Variants in MGST1 observed in about 807,000 individuals in gnomAD.
MGST1 encodes glutathione S-transferase 12.
In MGST1, 5 loss-of-function variants were observed where a neutral mutation model predicts 8.9. The observed-to-expected ratio is 0.56, with a 90% CI of 0.29 to 1.19. The LOEUF (loss-of-function observed/expected upper bound fraction) is 1.19, where lower values mean the gene tolerates loss of function less well. MGST1 is among the 50% of genes most tolerant of loss of function. The pLI, the probability that MGST1 is intolerant of heterozygous loss-of-function variation, is 0.08. For missense variants in MGST1, 182 were observed against 187.4 expected (o/e 0.97, Z 0.17); for synonymous variants, 54 against 67.8 (o/e 0.80, Z 1.00).
rs572124727 is a variant in MGST1 at position 16,586,913 on chromosome 12, C to A, written n.483-2615C>A. 1.3e-5 allele frequency among the ~76,000 whole-genome samples: 2 copies of A among 152,132 alleles called. No homozygotes were observed. Among genetic ancestry groups the A allele is most frequent in the African/African-American group, 4.8e-5 (2 of 41,438 alleles). ...GTCTCATCTAAATTCATGGAATTCT[C>A]CCCTCTAATAATAGAGTCATGTGAT... On this transcript the variant is annotated intron_variant and non_coding_transcript_variant, in intron 4 of 4. Transcript: ENST00000538857. The surrounding 1 kb of genome is among the most constrained non-coding windows in gnomAD (Gnocchi z 4.3).
intron 1 of MGST1, among the ~76,000 whole-genome samples, chr12:16,394,789 G>A (rs1024432076): frequency 7.9e-5 from 12 of 151,930 alleles, no homozygotes; most frequent in African/African-American, 2.9e-4. Context: ...TAGAGACATA[G>A]TTTCACCATG....
downstream of MGST1, among the ~76,000 whole-genome samples, chr12:16,381,782 T>C (rs7306979): frequency 0.3 from 46,287 of 152,044 alleles, 7,090 homozygotes; most frequent in African/African-American, 0.33. Flanking sequence ...ACCAATCAGA[T>C]GTAGATTTGG....
intron 4 of MGST1, among the ~76,000 whole-genome samples, chr12:16,453,560 G>A (rs1334057887): frequency 6.6e-6 from 1 of 151,850 alleles, no homozygotes; most frequent in African/African-American, 2.4e-5. Context: ...GTTTCTTAGG[G>A]CTGCTGTAAC....
chr12:16,395,790 T>TACAC lies in MGST1; in HGVS notation n.778+12187_778+12188insCACA, dbSNP rs1223679635. ...TGAGTAGTATTCCATCATATATATA[T>TACAC]ATATATATATATATACACACACACA... On this transcript the variant is annotated intron_variant and non_coding_transcript_variant, in intron 1 of 1. Coordinates refer to the MGST1 transcript ENST00000359720. 5.3e-4 allele frequency among the ~76,000 whole-genome samples: 65 copies of TACAC among 123,660 alleles called. No individual in the cohort carries two copies. In the East Asian group the frequency reaches 9.6e-3, roughly 18 times the overall value. The allele number at this position is 123,660 out of a possible 152,430, so 81.1% of individuals were successfully genotyped here. A position where few individuals can be genotyped will look rare whatever the true frequency, so the allele number is the denominator to read the frequency against.
intron 1 of MGST1, chr12:16,400,890 A>G (rs534660839): frequency 4.2e-6 from 5 of 1,191,880 alleles, no homozygotes; most frequent in South Asian, 3.6e-5. Context: ...GGGTGTTTAT[A>G]GGACACATTA....
intron 4 of MGST1, among the ~76,000 whole-genome samples, chr12:16,588,621 A>G (rs1418553789): frequency 6.6e-6 from 1 of 152,130 alleles, no homozygotes; most frequent in Non-Finnish European, 1.5e-5. Flanking sequence ...TATATAAAGC[A>G]CACTACAATC....
At chr12:16,551,593 CT>C (rs1292960664) in intron 4 of MGST1, among the ~76,000 whole-genome samples, 376 of 135,658 alleles carry the variant, frequency 2.8e-3, no homozygotes, top group Middle Eastern at 3.9e-3. Flanking sequence ...AGATGACTTG[CT>C]TTTTTTTTTT....
At chr12:16,540,322 C>T (rs1486833483) in intron 4 of MGST1, among the ~76,000 whole-genome samples, 1 of 152,134 alleles carries the variant, frequency 6.6e-6, no homozygotes, top group Non-Finnish European at 1.5e-5. Flanking sequence ...ACCCAGGCTG[C>T]AGTGCAGAGC....
chr12:16,359,600 A>C (rs1476511861), intron 3 of MGST1, among the ~76,000 whole-genome samples: 1 of 152,218 alleles, frequency 6.6e-6, no homozygotes, highest in African/African-American at 2.4e-5. Context: ...ATTATGTGTT[A>C]GACGAAAAAA....
chr12:16,377,702 A>G (rs1286753170), downstream of MGST1, among the ~76,000 whole-genome samples: 1 of 152,148 alleles, frequency 6.6e-6, no homozygotes, highest in Non-Finnish European at 1.5e-5. Context: ...CTAGTTCTAG[A>G]TCCCTGAGGA....
chr12:16,511,292 C>T (rs1254419826), intron 4 of MGST1, among the ~76,000 whole-genome samples: 4 of 152,218 alleles, frequency 2.6e-5, no homozygotes, highest in African/African-American at 4.8e-5. Context: ...GTCTAGCTAA[C>T]TGGCCCCTGT....
Position 16,401,084 on chromosome 12 carries a change from C to T in MGST1, n.778+17480C>T. 1.3e-6 allele frequency: 2 copies of T among 1,593,430 alleles called. No homozygotes were observed. Among genetic ancestry groups the T allele is most frequent in the East Asian group, 2.2e-5 (1 of 44,708 alleles). On this transcript the variant is annotated intron_variant and non_coding_transcript_variant, in intron 1 of 1. Coordinates refer to the MGST1 transcript ENST00000359720. This position sits in a 1 kb window ranked among gnomAD's most constrained non-coding sequence, Gnocchi z 4.3. Reference sequence around the variant, plus strand: ...GAACCTCTTCCCAAAAGGTCCTCTGCCTCATCTTTCTCCTCCTCCTCCTTT... The same window carrying T: ...GAACCTCTTCCCAAAAGGTCCTCTGTCTCATCTTTCTCCTCCTCCTCCTTT...
intron 4 of MGST1, among the ~76,000 whole-genome samples, chr12:16,511,996 T>C (rs550102286): frequency 6.6e-6 from 1 of 152,348 alleles, no homozygotes; most frequent in Non-Finnish European, 1.5e-5. Context: ...TGTCAGTCTA[T>C]ATTTTTATTT....
chr12:16,526,442 C>A (rs1289155583), intron 4 of MGST1, among the ~76,000 whole-genome samples: 14 of 151,930 alleles, frequency 9.2e-5, no homozygotes, highest in African/African-American at 2.4e-5. Context: ...TATAAACTTT[C>A]ATTTGTGATT....
At chr12:16,366,025 A>G (rs1940182105), downstream of MGST1, among the ~76,000 whole-genome samples, 1 of 151,992 alleles carries the variant, frequency 6.6e-6, no homozygotes, top group Non-Finnish European at 1.5e-5. This position sits in a 1 kb window ranked among gnomAD's most constrained non-coding sequence, Gnocchi z 4.0. Context: ...GTTTTCTTAA[A>G]TTTTCTTCTC....
chr12:16,462,548 A>AT (rs201429583), intron 4 of MGST1, among the ~76,000 whole-genome samples: 22,197 of 135,916 alleles, frequency 0.16, 1,974 homozygotes, highest in East Asian at 0.43. Context: ...GATGCACTTT[A>AT]CCCCCCCAAA....
chr12:16,531,324 A>G (rs1438137125), intron 4 of MGST1, among the ~76,000 whole-genome samples: 1 of 152,110 alleles, frequency 6.6e-6, no homozygotes, highest in Non-Finnish European at 1.5e-5. Context: ...TATTTGACAA[A>G]CTAGGAAAAG....
In MGST1 at chr12:16,468,815, A is replaced by G. The variant is rs530396800; in HGVS notation, n.482+85211A>G. 4.6e-5 allele frequency among the ~76,000 whole-genome samples: 7 copies of G among 152,346 alleles called. No individual in the cohort carries two copies. In the East Asian group the frequency reaches 1.4e-3, roughly 29 times the overall value. ...CATCTCCACCCTCTGGTGTTAGGACACATGGCTGTCTAGCTAGGGACTGCA... is the reference window on the plus strand; with the variant it reads ...CATCTCCACCCTCTGGTGTTAGGACGCATGGCTGTCTAGCTAGGGACTGCA... On this transcript the variant is annotated intron_variant and non_coding_transcript_variant, in intron 4 of 4. Transcript: ENST00000538857.
chr12:16,396,450 A>G (rs773644150), intron 1 of MGST1, among the ~76,000 whole-genome samples: 1 of 152,186 alleles, frequency 6.6e-6, no homozygotes, highest in African/African-American at 2.4e-5. Flanking sequence ...ATGAGACAAG[A>G]GAAAGAAATA....
Sources: allele counts gnomAD v4.1 joint callset (sites outside exome capture counted in the v4.1 genomes callset), GRCh38; gene constraint gnomAD v4.1.1; non-coding constraint Gnocchi (gnomAD v3.1); transcripts MANE v1.5; gene names NCBI Gene and HGNC (gene_info 2026-07-23, HGNC 2026-07-21).